NR3C2: variants seen among roughly 807,000 people sequenced by gnomAD.
The protein encoded by NR3C2 is nuclear receptor subfamily 3 group C member 2, also known as mineralocorticoid receptor.
NR3C2 carries 15 observed loss-of-function variants against 86.4 expected under a neutral mutation model. The ratio of observed to expected loss-of-function variants is 0.17; its 90% CI spans 0.12 to 0.27. NR3C2 has a LOEUF of 0.27. NR3C2 is among the 10% of genes least tolerant of loss of function. NR3C2 has a pLI of 1.00. For synonymous variants in NR3C2, 458 were observed against 450.5 expected (o/e 1.02, Z -0.21); for missense variants, 960 against 1,195.6 (o/e 0.80, Z 2.91).
intron 6 of NR3C2, among the ~76,000 whole-genome samples, chr4:148,136,273 T>C (rs896585963): frequency 6.6e-6 from 1 of 151,210 alleles, no homozygotes; most frequent in African/African-American, 2.4e-5. Context: ...GGAAGGGCTA[T>C]AGAGCAAAAG....
chr4:148,218,868 T>C (rs1289596609), intron 3 of NR3C2, among the ~76,000 whole-genome samples: 1 of 152,250 alleles, frequency 6.6e-6, no homozygotes, highest in East Asian at 1.9e-4. Flanking sequence ...GGATATACCA[T>C]GTTGTTTTTA....
At chr4:148,314,583 A>G (rs1743072637) in intron 2 of NR3C2, among the ~76,000 whole-genome samples, 1 of 152,188 alleles carries the variant, frequency 6.6e-6, no homozygotes, top group African/African-American at 2.4e-5. Context: ...ATGCGTGTCC[A>G]TATTTTAAAT....
Position 148,155,009 on chromosome 4 carries a change from T to C in NR3C2, c.2015-108A>G, listed in dbSNP as rs1020924613. 8.0e-6 allele frequency: 7 copies of C among 877,484 alleles called. No homozygotes were observed. The African/African-American group carries it at 9.9e-5, about 12-fold the overall frequency. 54.4% of individuals were successfully genotyped at this position (877,484 alleles called of 1,614,324 possible). A position where few individuals can be genotyped will look rare whatever the true frequency, so the allele number is the denominator to read the frequency against. ...CTCTAAATAGATCTTGTTATGTCAA[T>C]AGGAACATGACCGTTTATTCCACTA... is the stretch of plus-strand genomic sequence containing the variant. On this transcript the variant is annotated intron_variant, in intron 4 of 8. Coordinates refer to ENST00000358102, the MANE Select transcript of NR3C2 (RefSeq NM_000901.5).
intron 2 of NR3C2, among the ~76,000 whole-genome samples, chr4:148,375,450 T>C (rs1027629988): frequency 1.6e-4 from 24 of 148,836 alleles, no homozygotes; most frequent in Middle Eastern, 3.5e-3. Context: ...AGCAAGACTC[T>C]ATCTCAAAGA....
rs1730535542 is a variant in NR3C2, at chr4:148,081,169, A to C, written c.*175T>G. 1 of 855,536 alleles carries C rather than the reference A, an allele frequency of 1.2e-6. No homozygotes were observed. Among genetic ancestry groups the C allele is most frequent in the South Asian group, 1.6e-5 (1 of 63,334 alleles). The allele number at this position is 855,536 out of a possible 1,614,324, so 53.0% of individuals were successfully genotyped here. The stretch of plus-strand genomic sequence containing the variant: ...CTTCAGACTGCTCTGGTCTCGCCAA[A>C]TCCACGGAAAAACAGCTTTCCCGGC... On this transcript the variant is annotated 3_prime_UTR_variant, in exon 9 of 9. Transcript: ENST00000358102.
chr4:148,323,886 G>A (rs566105646), intron 2 of NR3C2, among the ~76,000 whole-genome samples: 35 of 152,218 alleles, frequency 2.3e-4, no homozygotes, highest in African/African-American at 8.4e-4. Flanking sequence ...TTCCCATTTG[G>A]CCATCTTGGC....
chr4:148,350,495 G>T (rs1434766423), intron 2 of NR3C2, among the ~76,000 whole-genome samples: 1 of 152,106 alleles, frequency 6.6e-6, no homozygotes, highest in Non-Finnish European at 1.5e-5. Flanking sequence ...ATCTCTAAAA[G>T]ACGTTTTAAA....
At chr4:148,356,563 T>A (rs903493544) in intron 2 of NR3C2, among the ~76,000 whole-genome samples, 4 of 152,186 alleles carry the variant, frequency 2.6e-5, no homozygotes, top group Non-Finnish European at 5.9e-5. Flanking sequence ...ATAAAACTAC[T>A]GTAAGTTGGA....
At chr4:148,334,565 AACTT>A (rs1744389229) in intron 2 of NR3C2, among the ~76,000 whole-genome samples, 1 of 152,176 alleles carries the variant, frequency 6.6e-6, no homozygotes, top group Non-Finnish European at 1.5e-5. Flanking sequence ...CAAACAAAAA[AACTT>A]ACACAAATGA....
chr4:148,329,796 A>T (rs1311081200), intron 2 of NR3C2, among the ~76,000 whole-genome samples: 2 of 152,244 alleles, frequency 1.3e-5, no homozygotes, highest in Non-Finnish European at 1.5e-5. Flanking sequence ...TCTAAAGGCA[A>T]CAATTCGCTC....
intron 3 of NR3C2, among the ~76,000 whole-genome samples, chr4:148,221,618 T>C (rs996495986): frequency 3.9e-5 from 6 of 152,054 alleles, no homozygotes; most frequent in South Asian, 4.1e-4. Context: ...ACAGGCCAGG[T>C]GCGGTGGCTC....
chr4:148,331,966 T>C (rs1744253645), intron 2 of NR3C2, among the ~76,000 whole-genome samples: 1 of 152,198 alleles, frequency 6.6e-6, no homozygotes, highest in Non-Finnish European at 1.5e-5. Flanking sequence ...AAAAGTTTGA[T>C]GGTTTATAAG....
At chr4:148,135,560 C>T (rs1478990071) in intron 6 of NR3C2, among the ~76,000 whole-genome samples, 6 of 152,040 alleles carry the variant, frequency 3.9e-5, no homozygotes, top group Non-Finnish European at 5.9e-5. Context: ...ACGTACTTTG[C>T]GAACAGTGGC....
At chr4:148,343,715 A>T (rs1744860629) in intron 2 of NR3C2, among the ~76,000 whole-genome samples, 1 of 152,154 alleles carries the variant, frequency 6.6e-6, no homozygotes, top group Non-Finnish European at 1.5e-5. Context: ...AAAGTTTAAA[A>T]GGTCAGATTA....
At chr4:148,408,868 C>G (rs182488520) in intron 2 of NR3C2, among the ~76,000 whole-genome samples, 35 of 152,090 alleles carry the variant, frequency 2.3e-4, no homozygotes, top group Admixed American at 8.5e-4. Flanking sequence ...GTTCTATATC[C>G]TGGTTTTTTT....
At chr4:148,178,669 G>C (rs1173541292) in intron 4 of NR3C2, among the ~76,000 whole-genome samples, 1 of 151,408 alleles carries the variant, frequency 6.6e-6, no homozygotes, top group East Asian at 1.9e-4. Context: ...ACCAGCCTGG[G>C]TGAGGAAAGG....
chr4:148,345,926 T>C (rs1744967098), intron 2 of NR3C2, among the ~76,000 whole-genome samples: 2 of 152,030 alleles, frequency 1.3e-5, no homozygotes, highest in South Asian at 4.1e-4. Flanking sequence ...ATGAGAGCTA[T>C]GGAGGATGTG....
chr4:148,096,696 A>G (rs1731291171), intron 8 of NR3C2, among the ~76,000 whole-genome samples: 2 of 152,222 alleles, frequency 1.3e-5, no homozygotes, highest in African/African-American at 4.8e-5. Flanking sequence ...AATGACTGAA[A>G]AAAAATCCAA....
At position 148,435,929 on chromosome 4, in the gene NR3C2, G is replaced by T; in HGVS notation, c.932C>A (p.Ser311Tyr). 1 of 1,614,196 alleles carries T rather than the reference G, an allele frequency of 6.2e-7. No individual in the cohort carries two copies. Among genetic ancestry groups the T allele is most frequent in the Non-Finnish European group, 8.5e-7 (1 of 1,180,032 alleles). The part of the protein sequence containing the change: ...ANINNSRCSV[S>Y]SPSNTNNRST... ...TCTGTTATTAGTGTTCGAAGGGCTG[G>T]AAACAGAGCACCTTGAGTTGTTAAT... The change falls in exon 2 of 9, where the codon TCC becomes TAC. Residue 311 changes from serine (S) to tyrosine (Y), a missense_variant. Transcript: ENST00000358102.
Sources: gnomAD v4.1 joint callset for allele counts (sites outside exome capture counted in the v4.1 genomes callset) on GRCh38, gnomAD v4.1.1 for gene constraint, MANE v1.5 for transcripts, NCBI Gene and HGNC (gene_info 2026-07-23, HGNC 2026-07-21) for gene names.